Variants in PTPRN2 observed in about 807,000 individuals in gnomAD.
PTPRN2 encodes the protein receptor-type tyrosine-protein phosphatase N2.
In PTPRN2, 74 loss-of-function variants were observed where a neutral mutation model predicts 118.8. The observed-to-expected ratio is 0.62, with a 90% CI of 0.52 to 0.76. The LOEUF (loss-of-function observed/expected upper bound fraction) is 0.76, where lower values mean the gene tolerates loss of function less well. PTPRN2 is among the 30% of genes least tolerant of loss of function. PTPRN2 has a pLI of 0.00. For missense variants in PTPRN2, 1,481 were observed against 1,394.4 expected, an observed-to-expected ratio of 1.06 and a Z score of -0.99; for synonymous variants, 641 against 608.0, an observed-to-expected ratio of 1.05 and a Z score of -0.80.
intron 6 of PTPRN2, among the ~76,000 whole-genome samples, chr7:158,146,812 G>A (rs1731404776): frequency 6.6e-6 from 1 of 151,876 alleles, no homozygotes; most frequent in Admixed American, 6.6e-5. Flanking sequence ...CACCAGCACA[G>A]ACACACTAAA....
chr7:158,381,458 C>T (rs1023842099), intron 2 of PTPRN2, among the ~76,000 whole-genome samples: 2 of 152,216 alleles, frequency 1.3e-5, no homozygotes, highest in African/African-American at 4.8e-5. Context: ...TGGTTCCCAA[C>T]AAGTTCCTCA....
intron 12 of PTPRN2, among the ~76,000 whole-genome samples, chr7:157,817,148 C>G (rs566054184): frequency 6.6e-6 from 1 of 152,248 alleles, no homozygotes; most frequent in Non-Finnish European, 1.5e-5. Context: ...GCTGCTTACG[C>G]GTCACACCAG....
At chr7:158,114,776 A>G (rs1489493056) in intron 9 of PTPRN2, among the ~76,000 whole-genome samples, 1 of 152,150 alleles carries the variant, frequency 6.6e-6, no homozygotes, top group African/African-American at 2.4e-5. Flanking sequence ...GTCCCCAAGA[A>G]CTACCACAGG....
intron 2 of PTPRN2, among the ~76,000 whole-genome samples, chr7:158,449,631 G>A (rs1162453059): frequency 1.3e-5 from 2 of 152,206 alleles, no homozygotes; most frequent in Non-Finnish European, 2.9e-5. Flanking sequence ...TCATAGTCAG[G>A]AACATTTGGA....
At chr7:157,802,038 G>A (rs993689175) in intron 12 of PTPRN2, among the ~76,000 whole-genome samples, 4 of 152,070 alleles carry the variant, frequency 2.6e-5, no homozygotes, top group African/African-American at 9.7e-5. Flanking sequence ...CGTGAAACCC[G>A]CCCCGGCGTC....
At position 157,690,930 on chromosome 7, in the gene PTPRN2, C is replaced by T. The variant is rs1017918115; in HGVS notation, c.1789-7993G>A. On this transcript the variant is annotated intron_variant, in intron 12 of 22. Coordinates refer to ENST00000389418, the MANE Select transcript of PTPRN2 (RefSeq NM_002847.5). This position sits in a 1 kb window ranked among gnomAD's most constrained non-coding sequence, Gnocchi z 7.1. Reference sequence around the variant, plus strand: ...GGGCGGGCTCAGGGCGGGCTCCGGACGGTCCCGGTAGGGCCGCCGGCCGCG... The same window carrying T: ...GGGCGGGCTCAGGGCGGGCTCCGGATGGTCCCGGTAGGGCCGCCGGCCGCG... 1.4e-5 allele frequency among the ~76,000 whole-genome samples: 2 copies of T among 145,690 alleles called. No individual in the cohort carries two copies. The highest frequency in any genetic ancestry group is 2.5e-5 in the African/African-American group (1 of 40,650).
In PTPRN2 at chr7:158,151,331, CCTCT is replaced by C. The variant is rs1184318265; in HGVS notation, c.911-12820_911-12817del. Among the ~76,000 whole-genome samples, 72 of 111,502 alleles carry C rather than the reference CCTCT, an allele frequency of 6.5e-4. 15 individuals carry two copies. The East Asian group carries it at 8.0e-3, about 12-fold the overall frequency. The allele number at this position is 111,502 out of a possible 152,430, so 73.1% of individuals were successfully genotyped here. Reference sequence around the variant, plus strand: ...CCACACCGCCCACCTTCTATTCCTGCCTCTCCCTGCCCACACCGCCCGCCTTTCT... The same window carrying C: ...CCACACCGCCCACCTTCTATTCCTGCCCCTGCCCACACCGCCCGCCTTTCT... On this transcript the variant is annotated intron_variant, in intron 6 of 22. Coordinates refer to ENST00000389418, the MANE Select transcript of PTPRN2 (RefSeq NM_002847.5).
At chr7:158,044,120 T>TA (rs1467791676) in intron 11 of PTPRN2, among the ~76,000 whole-genome samples, 4 of 152,148 alleles carry the variant, frequency 2.6e-5, no homozygotes, top group East Asian at 3.9e-4. Flanking sequence ...GTGTTTCAGA[T>TA]AAAAAAATTT....
At chr7:157,857,274 C>T (rs11980292) in intron 12 of PTPRN2, 115,474 of 152,058 alleles carry the variant, frequency 0.76, 44,574 homozygotes, top group East Asian at 0.91. Context: ...TTTCACCGTT[C>T]CTGTTTTCCC....
At chr7:158,488,717 G>A (rs938741353) in intron 2 of PTPRN2, among the ~76,000 whole-genome samples, 1 of 152,252 alleles carries the variant, frequency 6.6e-6, no homozygotes, top group Non-Finnish European at 1.5e-5. Context: ...ATTAGTGGGT[G>A]CGAGGGGCCT....
rs1237886399 is a variant in PTPRN2 at position 157,690,798 on chromosome 7, C to G, written c.1789-7861G>C. Among the ~76,000 whole-genome samples the G allele has an allele frequency of 1.3e-5, 2 of 150,138 alleles. No homozygotes were observed. The highest frequency in any genetic ancestry group is 1.9e-4 in the East Asian group (1 of 5,132). ...AGCAGCGGCTGCGCGGCGGCACGGG[C>G]TCGGAGCCCGCAGGCGCCGGAGCTC... On this transcript the variant is annotated intron_variant, in intron 12 of 22. Coordinates refer to ENST00000389418, the MANE Select transcript of PTPRN2 (RefSeq NM_002847.5). This position sits in a 1 kb window ranked among gnomAD's most constrained non-coding sequence, Gnocchi z 7.1.
intron 11 of PTPRN2, among the ~76,000 whole-genome samples, chr7:157,908,529 C>T (rs1797906090): frequency 6.6e-6 from 1 of 152,364 alleles, no homozygotes; most frequent in Non-Finnish European, 1.5e-5. Context: ...CACGTCGGCT[C>T]ACAGCTCTAG....
chr7:158,233,620 C>T (rs1829315783), intron 3 of PTPRN2, among the ~76,000 whole-genome samples: 1 of 152,112 alleles, frequency 6.6e-6, no homozygotes, highest in South Asian at 2.1e-4. Context: ...AAAGAAAAAT[C>T]TCTAAAATTT....
chr7:157,817,103 G>A (rs947459957), intron 12 of PTPRN2, among the ~76,000 whole-genome samples: 16 of 152,214 alleles, frequency 1.1e-4, no homozygotes, highest in African/African-American at 3.6e-4. Context: ...TGGGAGCGCT[G>A]TGTTCCGGGG....
intron 11 of PTPRN2, among the ~76,000 whole-genome samples, chr7:158,042,505 A>G (rs1281007597): frequency 6.6e-6 from 1 of 152,222 alleles, no homozygotes; most frequent in Non-Finnish European, 1.5e-5. Flanking sequence ...TGAGAGATCC[A>G]TGGAACTGTG....
At chr7:158,554,453 ATCTG>A (rs1466038424) in intron 1 of PTPRN2, among the ~76,000 whole-genome samples, 5 of 152,060 alleles carry the variant, frequency 3.3e-5, no homozygotes, top group African/African-American at 9.7e-5. Flanking sequence ...TTTGATCAGT[ATCTG>A]TCTATCTGCC....
chr7:157,711,362 C>T (rs1427845049), intron 12 of PTPRN2, among the ~76,000 whole-genome samples: 1 of 52,800 alleles, frequency 1.9e-5, no homozygotes, highest in Non-Finnish European at 3.9e-5. Flanking sequence ...CCAGAGGTTC[C>T]GGGGCAGCCG....
chr7:158,331,164 C>A (rs1804338241), intron 2 of PTPRN2, among the ~76,000 whole-genome samples: 1 of 143,762 alleles, frequency 7.0e-6, no homozygotes, highest in East Asian at 2.2e-4. Context: ...CACACCCACA[C>A]TCTCACCAGA....
At chr7:158,501,022 C>A (rs1243522736) in intron 1 of PTPRN2, among the ~76,000 whole-genome samples, 1 of 152,278 alleles carries the variant, frequency 6.6e-6, no homozygotes, top group Non-Finnish European at 1.5e-5. Flanking sequence ...CCGCCTCCCG[C>A]TCGGAGTCCA....
Sources: gnomAD v4.1 joint callset for allele counts (sites outside exome capture counted in the v4.1 genomes callset) on GRCh38, gnomAD v4.1.1 for gene constraint, Gnocchi (gnomAD v3.1) non-coding constraint, MANE v1.5 for transcripts, NCBI Gene and HGNC (gene_info 2026-07-23, HGNC 2026-07-21) for gene names.